Variants in DDX20 observed in about 807,000 individuals in gnomAD.
DDX20 encodes the protein probable ATP-dependent RNA helicase DDX20.
In DDX20, 61 loss-of-function variants were observed where a neutral mutation model predicts 76.4. The ratio of observed to expected loss-of-function variants is 0.80; its 90% confidence interval spans 0.65 to 0.99. The LOEUF is 0.99. Ranked by LOEUF, DDX20 falls within the 50% of genes least tolerant of loss-of-function variation. The pLI is 0.00. For synonymous variants in DDX20, 357 were observed against 357.4 expected, an observed-to-expected ratio of 1.00 and a Z score of 0.01; for missense variants, 976 against 996.8, an observed-to-expected ratio of 0.98 and a Z score of 0.28.
chr1:111,763,742 G>A (rs929293665), intron 10 of DDX20, among the ~76,000 whole-genome samples: 20 of 152,142 alleles, frequency 1.3e-4, no homozygotes, highest in African/African-American at 4.6e-4. Context: ...GGAAAGAACA[G>A]CATCTTTAAT....
intron 5 of DDX20, 26 bp from the exon 6 acceptor site, chr1:111,760,961 T>A (rs1187317845): frequency 6.2e-7 from 1 of 1,608,490 alleles, no homozygotes; most frequent in Admixed American, 1.7e-5. Context: ...TATATATTTG[T>A]TTTAACTGAT....
Position 111,765,934 on chromosome 1 carries a change from C to T in DDX20, c.1510C>T (p.Leu504=), listed in dbSNP as rs1195423725. The T allele has an allele frequency of 6.2e-7, 1 of 1,613,524 alleles. No homozygotes were observed. Among genetic ancestry groups the T allele is most frequent in the Admixed American group, 1.7e-5 (1 of 59,852 alleles). Residue 504 remains leucine (L), a synonymous_variant, in exon 11 of 11, where the codon CTA becomes TTA. Transcript: ENST00000369702. ...ASSRNNSVSG[L]SVKSKNNTKQ... ...CTCTAGAAATAATTCTGTATCTGGA[C>T]TATCAGTCAAATCAAAAAATAATAC...
At chr1:111,759,371 C>A in intron 2 of DDX20, 29 bp from the exon 3 acceptor site, 1 of 1,564,918 alleles carries the variant, frequency 6.4e-7, no homozygotes, top group Non-Finnish European at 8.7e-7. Flanking sequence ...TCCTCTGACT[C>A]AAAGGTGTAA....
Position 111,766,581 on chromosome 1 carries a change from G to A in DDX20, c.2157G>A (p.Met719Ile), listed in dbSNP as rs762422431. Residue 719 changes from methionine to isoleucine, a missense_variant, in exon 11 of 11, where the codon ATG becomes ATA. Coordinates refer to ENST00000369702, the MANE Select transcript of DDX20 (RefSeq NM_007204.5). ...ATCAAGAATCACCTGGAATCCAGAT[G>A]AAGACAAGACTTAAAGAGGGGGCTA... ...EKYQESPGIQ[M>I]KTRLKEGASQ... 12 of 1,614,076 alleles carry A rather than the reference G, an allele frequency of 7.4e-6. No individual in the cohort carries two copies. The highest frequency in any genetic ancestry group is 2.2e-5 in the East Asian group (1 of 44,898).
At position 111,762,776 on chromosome 1, in the gene DDX20, C is replaced by T. The variant is rs1297007595; in HGVS notation, c.1204C>T (p.Arg402Cys). ...TYMHRIGRAG[R>C]FGTLGLTVTY... is the part of the protein sequence containing the mutation. Reference sequence around the variant, plus strand: ...CATGCATCGGATTGGGAGAGCTGGCCGTTTTGGTAAAAAAAAAAAAAAAAG... The same window carrying T: ...CATGCATCGGATTGGGAGAGCTGGCTGTTTTGGTAAAAAAAAAAAAAAAAG... The change falls in exon 9 of 11, where the codon CGT becomes TGT. Residue 402 changes from arginine (R) to cysteine (C), a missense_variant. Around this residue, in one of 3 missense-constraint regions of DDX20, gnomAD observed 630 missense variants for 693.7 expected, o/e 0.91. Transcript: ENST00000369702. 3.1e-6 allele frequency: 5 copies of T among 1,604,076 alleles called. No homozygotes were observed. The highest frequency in any genetic ancestry group is 2.2e-5 in the East Asian group (1 of 44,764).
intron 10 of DDX20, among the ~76,000 whole-genome samples, chr1:111,763,572 CAA>C (rs372268470): frequency 1.2e-4 from 12 of 98,744 alleles, no homozygotes; most frequent in Non-Finnish European, 8.6e-5. Flanking sequence ...AACTCCGTCT[CAA>C]AAAAAAAAAA....
intron 7 of DDX20, 162 bp downstream of exon 7, chr1:111,761,446 A>G: frequency 5.2e-6 from 3 of 579,456 alleles, no homozygotes; most frequent in Non-Finnish European, 8.9e-6. Flanking sequence ...TTGGAATTTG[A>G]TATGTCAATA....
Position 111,761,277 on chromosome 1 carries a change from C to G in DDX20, c.1014C>G (p.Cys338Trp). The change falls in exon 7 of 11, where the codon TGC becomes TGG. Residue 338 changes from cysteine to tryptophan, a missense_variant. Transcript: ENST00000369702. ...CTTCTAAAGGCTTTCCTGCTGAGTG[C>G]ATTTCAGGTAAGTTCATCTCTTACT... ...ILSSKGFPAECISGNMNQNQR... is the reference protein window; with the variant it reads ...ILSSKGFPAEWISGNMNQNQR... The G allele has an allele frequency of 6.2e-7, 1 of 1,612,628 alleles. No homozygotes were observed. Among genetic ancestry groups the G allele is most frequent in the Non-Finnish European group, 8.5e-7 (1 of 1,179,178 alleles).
chr1:111,764,030 A>C (rs1663727019), intron 10 of DDX20, among the ~76,000 whole-genome samples: 2 of 152,218 alleles, frequency 1.3e-5, no homozygotes, highest in African/African-American at 4.8e-5. Context: ...CTGTAATGCC[A>C]GCACTTTGGG....
Position 111,756,038 on chromosome 1 carries a change from GATCCTGCGGA to G in DDX20, c.115_124del (p.Ile39ProfsTer61), listed in dbSNP as rs745767584. The G allele has an allele frequency of 2.5e-6, 4 of 1,609,820 alleles. No individual in the cohort carries two copies. In the African/African-American group the frequency reaches 5.3e-5, roughly 22 times the overall value. ...CAGAGCCAACACCCGGGCCTGTGAG[GATCCTGCGGA>G]CCGCTCAGGATCTCAGCAGCCCGCG... On this transcript the variant is annotated frameshift_variant, in exon 1 of 11. Transcript: ENST00000369702. LOFTEE classifies it high-confidence loss of function.
At chr1:111,756,389 A>G (rs1267336115) in intron 1 of DDX20, among the ~76,000 whole-genome samples, 164 bp downstream of exon 1, 1 of 152,222 alleles carries the variant, frequency 6.6e-6, no homozygotes, top group African/African-American at 2.4e-5. Context: ...ACTTATTTGT[A>G]AAACTAACGT....
intron 10 of DDX20, among the ~76,000 whole-genome samples, chr1:111,764,560 A>G (rs1298515748): frequency 2.0e-5 from 3 of 152,178 alleles, no homozygotes; most frequent in African/African-American, 7.2e-5. Context: ...GCTCTATGTC[A>G]GTTCTAAAAC....
rs1663781554 is a variant in DDX20 at position 111,766,450 on chromosome 1, G to A, written c.2026G>A (p.Gly676Ser). Residue 676 changes from glycine to serine, a missense_variant, in exon 11 of 11, where the codon GGC becomes AGC. By Grantham distance (56) the Gly-to-Ser change is moderately conservative (BLOSUM62 0). Coordinates refer to ENST00000369702, the MANE Select transcript of DDX20 (RefSeq NM_007204.5). ...CAAAGGAAATAAGTCATACTTGGAA[G>A]GCTCTTCTGATAATCAGCTGAAAGA... is the stretch of plus-strand genomic sequence containing the variant. ...QSKGNKSYLE[G>S]SSDNQLKDSE... 1.2e-6 allele frequency: 2 copies of A among 1,614,162 alleles called. No individual in the cohort carries two copies. The highest frequency in any genetic ancestry group is 8.5e-7 in the Non-Finnish European group (1 of 1,180,022).
In DDX20 at chr1:111,766,869, T is replaced by C; in HGVS notation, c.2445T>C (p.Tyr815=). ...CAGCTTATCACATGAATACCATTTA[T>C]CTACAAGAAATGATGCATAGTAACC... The part of the protein sequence containing the change: ...WMAAYHMNTI[Y]LQEMMHSNQ Residue 815 remains tyrosine, a synonymous_variant, in exon 11 of 11, where the codon TAT becomes TAC. Transcript: ENST00000369702. The C allele has an allele frequency of 1.2e-6, 2 of 1,612,072 alleles. No individual in the cohort carries two copies. The highest frequency in any genetic ancestry group is 1.1e-5 in the South Asian group (1 of 91,070).
intron 10 of DDX20, 95 bp downstream of exon 10, chr1:111,763,102 C>A: frequency 1.0e-6 from 1 of 980,352 alleles, no homozygotes; most frequent in Non-Finnish European, 1.6e-6. Context: ...TTATGATGTG[C>A]TGGGTACTGT....
rs2101422268 is a variant in DDX20, at chr1:111,762,798, A to AG, written c.1210+16_1210+17insG. ...GGCCGTTTTGGTAAAAAAAAAAAAA[A>AG]AAGTTTGAGTGCTTTCTTTAAGGGG... On this transcript the variant is annotated intron_variant, in intron 9 of 10. Transcript: ENST00000369702. The AG allele has an allele frequency of 1.3e-6, 2 of 1,589,510 alleles. No individual in the cohort carries two copies. The highest frequency in any genetic ancestry group is 4.5e-5 in the East Asian group (2 of 44,688).
At chr1:111,759,596 AGGGCTTTT>A (rs766943604) in intron 3 of DDX20, 28 bp downstream of exon 3, 4 of 1,583,810 alleles carry the variant, frequency 2.5e-6, no homozygotes, top group Non-Finnish European at 3.4e-6. Context: ...GTTGGTAACC[AGGGCTTTT>A]AAGGAACTAC....
chr1:111,763,019 CT>C lies in DDX20; in HGVS notation c.1312+13del. On this transcript the variant is annotated intron_variant, in intron 10 of 10. Coordinates refer to ENST00000369702, the MANE Select transcript of DDX20 (RefSeq NM_007204.5). ...TCTCCCTTTACCAGGTACATTTCAT[CT>C]GTTTCATTATTTCAAAATAATTATA... The C allele has an allele frequency of 6.3e-7, 1 of 1,575,240 alleles. No homozygotes were observed. The highest frequency in any genetic ancestry group is 8.7e-7 in the Non-Finnish European group (1 of 1,145,794).
chr1:111,758,499 C>T (rs188297143), intron 2 of DDX20, among the ~76,000 whole-genome samples: 63 of 151,926 alleles, frequency 4.1e-4, no homozygotes, highest in African/African-American at 1.5e-3. Flanking sequence ...GGAGGTAGAT[C>T]TCTGACCTCC....
Sources: gnomAD v4.1 joint callset for allele counts (sites outside exome capture counted in the v4.1 genomes callset) on GRCh38, gnomAD v4.1.1 for gene constraint, gnomAD v4.1.1 regional missense constraint, MANE v1.5 for transcripts, NCBI Gene and HGNC (gene_info 2026-07-23, HGNC 2026-07-21) for gene names.